The following CDH12 variants were observed in gnomAD, a reference collection of about 807,000 sequenced individuals.
CDH12 encodes the protein cadherin-12.
In CDH12, 41 loss-of-function variants were observed where a neutral mutation model predicts 74.1. The ratio of observed to expected loss-of-function variants is 0.55; its 90% CI spans 0.43 to 0.72. CDH12 has a LOEUF of 0.72. Ranked by LOEUF, CDH12 falls within the 30% of genes least tolerant of loss-of-function variation. CDH12 has a pLI of 0.00. For synonymous variants in CDH12, 399 were observed against 355.0 expected, an observed-to-expected ratio of 1.12 and a Z score of -1.39; for missense variants, 945 against 977.2, an observed-to-expected ratio of 0.97 and a Z score of 0.44.
intron 1 of CDH12, among the ~76,000 whole-genome samples, chr5:22,686,199 A>AAT (rs1194760058): frequency 2.0e-5 from 3 of 151,744 alleles, no homozygotes; most frequent in Non-Finnish European, 2.9e-5. Flanking sequence ...TTTTTTTATA[A>AAT]ATATATATAT....
intron 3 of CDH12, among the ~76,000 whole-genome samples, chr5:22,377,368 A>G (rs950355087): frequency 4.6e-5 from 7 of 152,192 alleles, no homozygotes; most frequent in African/African-American, 9.7e-5. Context: ...AAGGTCGCCA[A>G]TGACGCAGGT....
chr5:22,077,373 C>T (rs757259663), intron 5 of CDH12, among the ~76,000 whole-genome samples: 11 of 151,994 alleles, frequency 7.2e-5, no homozygotes, highest in African/African-American at 2.7e-4. Flanking sequence ...CCTCCTTTGA[C>T]CTAATATTGG....
At chr5:22,595,923 T>TAAAG (rs1736579354) in intron 1 of CDH12, among the ~76,000 whole-genome samples, 1 of 149,734 alleles carries the variant, frequency 6.7e-6, no homozygotes. Flanking sequence ...TAAAAATAAA[T>TAAAG]AAATAAATAA....
chr5:22,051,587 T>G (rs2150194673), intron 5 of CDH12, among the ~76,000 whole-genome samples: 1 of 152,280 alleles, frequency 6.6e-6, no homozygotes, highest in South Asian at 2.1e-4. Context: ...ATTCTTTCTC[T>G]AAGTGTTATT....
intron 1 of CDH12, among the ~76,000 whole-genome samples, chr5:22,644,075 G>A (rs527909295): frequency 1.3e-5 from 2 of 151,754 alleles, no homozygotes; most frequent in Admixed American, 6.6e-5. Context: ...TCCTCTCCTC[G>A]GTGCTCCGTA....
At chr5:22,736,963 A>G (rs1355127535) in intron 1 of CDH12, among the ~76,000 whole-genome samples, 1 of 151,944 alleles carries the variant, frequency 6.6e-6, no homozygotes, top group Non-Finnish European at 1.5e-5. Context: ...GAGTATAATC[A>G]TTTAGGTGGA....
chr5:22,514,276 G>T (rs891854610), intron 1 of CDH12, among the ~76,000 whole-genome samples: 1 of 151,766 alleles, frequency 6.6e-6, no homozygotes, highest in Non-Finnish European at 1.5e-5. Context: ...CAAAATACAT[G>T]AACATTATTA....
intron 9 of CDH12, among the ~76,000 whole-genome samples, chr5:21,810,202 A>G (rs1747673013): frequency 6.6e-6 from 1 of 152,162 alleles, no homozygotes. Context: ...AACTGATTTA[A>G]GTAAGATGAA....
intron 1 of CDH12, among the ~76,000 whole-genome samples, chr5:22,742,756 T>C (rs189989248): frequency 1.1e-4 from 16 of 150,192 alleles, no homozygotes; most frequent in Non-Finnish European, 1.6e-4. Context: ...TATATATTAA[T>C]TTCAAATAGA....
chr5:22,407,853 C>T lies in CDH12; in HGVS notation c.-427-2502G>A, dbSNP rs184040436. Among the ~76,000 whole-genome samples, 9 of 152,232 alleles carry T rather than the reference C, an allele frequency of 5.9e-5. No individual in the cohort carries two copies. The East Asian group carries it at 1.7e-3, about 29-fold the overall frequency. On this transcript the variant is annotated intron_variant, in intron 2 of 14. Coordinates refer to ENST00000382254, the MANE Select transcript of CDH12 (RefSeq NM_004061.5). ...CTTCATTTTCTCTGCCTAGATTAGACTCCATGTCTGATTAGACTACCTGTT... is the reference window on the plus strand; with the variant it reads ...CTTCATTTTCTCTGCCTAGATTAGATTCCATGTCTGATTAGACTACCTGTT...
intron 1 of CDH12, among the ~76,000 whole-genome samples, chr5:22,619,807 T>C (rs373043033): frequency 6.6e-6 from 1 of 152,120 alleles, no homozygotes; most frequent in South Asian, 2.1e-4. Context: ...TTATCAACAT[T>C]GTAAATTCAT....
intron 7 of CDH12, 128 bp from the exon 8 acceptor site, chr5:21,842,456 A>G (rs974588086): frequency 2.4e-5 from 15 of 614,754 alleles, no homozygotes; most frequent in African/African-American, 3.8e-5. Context: ...CTAAAATTGT[A>G]TCTTTTAAAA....
intron 4 of CDH12, among the ~76,000 whole-genome samples, chr5:22,148,549 A>AT (rs1013281332): frequency 4.6e-5 from 7 of 151,470 alleles, no homozygotes; most frequent in South Asian, 2.1e-4. Context: ...ACAGAAATTG[A>AT]TTTTTTTTAC....
intron 6 of CDH12, among the ~76,000 whole-genome samples, chr5:21,928,463 A>C (rs1205809913): frequency 6.6e-6 from 1 of 152,192 alleles, no homozygotes; most frequent in African/African-American, 2.4e-5. Context: ...GACATTGAGA[A>C]CATTCAACAT....
intron 6 of CDH12, among the ~76,000 whole-genome samples, chr5:21,920,205 A>G (rs991356234): frequency 6.6e-6 from 1 of 152,242 alleles, no homozygotes; most frequent in Non-Finnish European, 1.5e-5. Flanking sequence ...GGATACATCC[A>G]TGAATAAAGC....
At chr5:22,034,190 A>G (rs536080134) in intron 5 of CDH12, among the ~76,000 whole-genome samples, 1 of 152,186 alleles carries the variant, frequency 6.6e-6, no homozygotes, top group South Asian at 2.1e-4. Flanking sequence ...GTGCACCACC[A>G]TGCCTGGATA....
intron 12 of CDH12, among the ~76,000 whole-genome samples, chr5:21,764,572 A>G (rs1237097183): frequency 2.0e-5 from 3 of 148,242 alleles, no homozygotes; most frequent in African/African-American, 5.0e-5. Flanking sequence ...TCACTTGAAC[A>G]CAGGAGGCAG....
intron 6 of CDH12, among the ~76,000 whole-genome samples, chr5:21,950,729 A>C (rs1755811957): frequency 6.7e-6 from 1 of 149,228 alleles, no homozygotes; most frequent in Non-Finnish European, 1.5e-5. Context: ...GTGAGGTTAT[A>C]GTAATATATC....
At chr5:22,346,060 C>T (rs564284154) in intron 3 of CDH12, among the ~76,000 whole-genome samples, 10 of 147,592 alleles carry the variant, frequency 6.8e-5, no homozygotes, top group African/African-American at 2.3e-4. Flanking sequence ...GAGCCGAAGT[C>T]GCACCATTGT....
Sources: allele counts gnomAD v4.1 joint callset (sites outside exome capture counted in the v4.1 genomes callset), GRCh38; gene constraint gnomAD v4.1.1; transcripts MANE v1.5; gene names NCBI Gene and HGNC (gene_info 2026-07-23, HGNC 2026-07-21).